Variants in CACNA1I observed in about 807,000 individuals in gnomAD.
The protein encoded by CACNA1I is calcium voltage-gated channel subunit alpha1 I, also known as voltage-dependent T-type calcium channel subunit alpha-1I.
CACNA1I carries 74 observed loss-of-function variants against 201.6 expected under a neutral mutation model. The ratio of observed to expected loss-of-function variants is 0.37; its 90% CI spans 0.30 to 0.45. The LOEUF is 0.45. CACNA1I is among the 20% of genes least tolerant of loss of function. CACNA1I has a pLI of 1.00. For synonymous variants in CACNA1I, 1,431 were observed against 1,345.2 expected (o/e 1.06, Z -1.40); for missense variants, 2,346 against 3,138.1 (o/e 0.75, Z 6.03).
intron 10 of CACNA1I, among the ~76,000 whole-genome samples, chr22:39,657,075 AG>A (rs1328330244): frequency 6.6e-6 from 1 of 152,140 alleles, no homozygotes; most frequent in Non-Finnish European, 1.5e-5. Flanking sequence ...ACTCCAGAGG[AG>A]GGGGGAAGCA....
chr22:39,685,643 C>A lies in CACNA1I; in HGVS notation c.6028-118C>A. On this transcript the variant is annotated intron_variant, in intron 36 of 36. Transcript: ENST00000402142. The surrounding 1 kb of genome is among the most constrained non-coding windows in gnomAD (Gnocchi z 5.0). Reference sequence around the variant, plus strand: ...CGTGCGGAGGGGAGAAGCCCTGCTCCGAAGGGAGCTCCTTGGATGGGGTCT... The same window carrying A: ...CGTGCGGAGGGGAGAAGCCCTGCTCAGAAGGGAGCTCCTTGGATGGGGTCT... The A allele has an allele frequency of 1.1e-6, 1 of 880,132 alleles. No individual in the cohort carries two copies. The highest frequency in any genetic ancestry group is 1.6e-6 in the Non-Finnish European group (1 of 629,784). 54.5% of individuals were successfully genotyped at this position (880,132 alleles called of 1,614,324 possible). A position where few individuals can be genotyped will look rare whatever the true frequency, so the allele number is the denominator to read the frequency against.
At chr22:39,598,888 A>G (rs1424869747) in intron 2 of CACNA1I, among the ~76,000 whole-genome samples, 1 of 146,108 alleles carries the variant, frequency 6.8e-6, no homozygotes, top group Non-Finnish European at 1.5e-5. Context: ...ACTCGGTGCA[A>G]CTCCCTGGGA....
At chr22:39,617,891 C>A (rs2146390727) in intron 3 of CACNA1I, among the ~76,000 whole-genome samples, 1 of 150,492 alleles carries the variant, frequency 6.6e-6, no homozygotes, top group South Asian at 2.1e-4. Flanking sequence ...CCTCCCTCCC[C>A]CTCAGGTCCC....
intron 23 of CACNA1I, among the ~76,000 whole-genome samples, chr22:39,667,662 G>T (rs1469208629): frequency 6.6e-6 from 1 of 152,146 alleles, no homozygotes; most frequent in Non-Finnish European, 1.5e-5. Flanking sequence ...TGCCATCTCT[G>T]TGGGAGCCTT....
At chr22:39,667,352 G>A (rs1259459797) in intron 23 of CACNA1I, among the ~76,000 whole-genome samples, 1 of 152,216 alleles carries the variant, frequency 6.6e-6, no homozygotes, top group Non-Finnish European at 1.5e-5. Flanking sequence ...CCAGTGCAGG[G>A]CCAGAGACTC....
chr22:39,645,148 G>C (rs1029659381), intron 7 of CACNA1I, among the ~76,000 whole-genome samples: 9 of 151,924 alleles, frequency 5.9e-5, no homozygotes, highest in Non-Finnish European at 8.8e-5. Flanking sequence ...CACCATGCCC[G>C]GCTAATTTTT....
chr22:39,655,846 G>A (rs1213576675), intron 10 of CACNA1I, among the ~76,000 whole-genome samples: 1 of 152,270 alleles, frequency 6.6e-6, no homozygotes, highest in African/African-American at 2.4e-5. Flanking sequence ...AGGAACATCT[G>A]TTGTGAGGGA....
At position 39,618,733 on chromosome 22, in the gene CACNA1I, A is replaced by AG. The variant is rs545905726; in HGVS notation, c.483-570dup. Among the ~76,000 whole-genome samples the AG allele has an allele frequency of 9.9e-3, 1,367 of 137,796 alleles. 23 individuals are homozygous for AG. The highest frequency in any genetic ancestry group is 0.034 in the African/African-American group (1,246 of 36,196). 90.4% of individuals were successfully genotyped at this position (137,796 alleles called of 152,430 possible). A position where few individuals can be genotyped will look rare whatever the true frequency, so the allele number is the denominator to read the frequency against. The stretch of plus-strand genomic sequence containing the variant: ...GGGGAAGGGTCTGGTGATGGGGGGC[A>AG]GGGGGGGTCATCCTGGAAATGCAGG... On this transcript the variant is annotated intron_variant, in intron 3 of 36. Coordinates refer to ENST00000402142, the MANE Select transcript of CACNA1I (RefSeq NM_021096.4).
intron 4 of CACNA1I, among the ~76,000 whole-genome samples, chr22:39,628,964 A>ACCT (rs1933974752): frequency 6.6e-6 from 1 of 151,554 alleles, no homozygotes; most frequent in African/African-American, 2.4e-5. Flanking sequence ...AACACCCCAA[A>ACCT]CCTCCAGGGG....
chr22:39,571,425 A>G (rs5757730), intron 1 of CACNA1I, among the ~76,000 whole-genome samples: 83,975 of 151,908 alleles, frequency 0.55, 23,835 homozygotes, highest in East Asian at 0.96. Flanking sequence ...CATTCTCCTT[A>G]CTGTGCCTCC....
chr22:39,572,897 C>G (rs966321956), intron 1 of CACNA1I, among the ~76,000 whole-genome samples: 1 of 152,086 alleles, frequency 6.6e-6, no homozygotes, highest in Non-Finnish European at 1.5e-5. Context: ...GCTGGGACTA[C>G]AGGCACCCAC....
chr22:39,649,535 G>A lies in CACNA1I; in HGVS notation c.1602G>A (p.Thr534=), dbSNP rs536901437. 5.3e-5 allele frequency: 82 copies of A among 1,557,240 alleles called. 1 individual carries two copies. Among genetic ancestry groups the A allele is most frequent in the South Asian group, 3.9e-4 (33 of 84,202 alleles). The part of the protein sequence containing the change: ...LCPQHSPLDA[T]PHTLVQPIPA... ...CGCAACATAGCCCCCTGGATGCGACGCCCCACACCCTGGTGCAGCCCATCC... is the reference window on the plus strand; with the variant it reads ...CGCAACATAGCCCCCTGGATGCGACACCCCACACCCTGGTGCAGCCCATCC... Residue 534 remains threonine, a synonymous_variant, in exon 10 of 37, where the codon ACG becomes ACA. Coordinates refer to ENST00000402142, the MANE Select transcript of CACNA1I (RefSeq NM_021096.4). This position sits in a 1 kb window ranked among gnomAD's most constrained non-coding sequence, Gnocchi z 7.3.
At chr22:39,595,623 C>T (rs1051674584) in intron 1 of CACNA1I, among the ~76,000 whole-genome samples, 3 of 35,526 alleles carry the variant, frequency 8.4e-5, no homozygotes, top group East Asian at 1.4e-3. Flanking sequence ...GAAACTCCAT[C>T]TCAAAAAAAA....
At chr22:39,585,393 T>TTC (rs1932715257) in intron 1 of CACNA1I, among the ~76,000 whole-genome samples, 1 of 139,232 alleles carries the variant, frequency 7.2e-6, no homozygotes, top group Non-Finnish European at 1.6e-5. Context: ...TTTCTTTTTT[T>TTC]TTTTTTTTTT....
intron 31 of CACNA1I, 74 bp from the exon 32 acceptor site, chr22:39,679,033 C>T (rs1935598623): frequency 8.1e-7 from 1 of 1,232,332 alleles, no homozygotes; most frequent in Non-Finnish European, 1.1e-6. Context: ...GAGCGTGGCC[C>T]TGGGCTGGCC....
chr22:39,621,523 A>G (rs538263559), intron 4 of CACNA1I, among the ~76,000 whole-genome samples: 152 of 152,276 alleles, frequency 1.0e-3, no homozygotes, highest in African/African-American at 3.4e-3. Context: ...ATGCTTCAGA[A>G]TATCTGTGGA....
chr22:39,683,899 C>T (rs965449789), intron 35 of CACNA1I, among the ~76,000 whole-genome samples: 1 of 152,166 alleles, frequency 6.6e-6, no homozygotes, highest in Non-Finnish European at 1.5e-5. Flanking sequence ...GGGGTCAGGA[C>T]CTGGAGGTGA....
chr22:39,656,980 C>A (rs956741880), intron 10 of CACNA1I, among the ~76,000 whole-genome samples: 5 of 152,178 alleles, frequency 3.3e-5, no homozygotes, highest in African/African-American at 1.2e-4. Context: ...AGAGAAGGGG[C>A]TGGGCCTCGT....
intron 3 of CACNA1I, among the ~76,000 whole-genome samples, chr22:39,617,543 T>TGGG (rs1435318948): frequency 6.6e-6 from 1 of 152,136 alleles, no homozygotes; most frequent in Non-Finnish European, 1.5e-5. Flanking sequence ...TCGGCAGTCC[T>TGGG]GGGCCCCGCG....
Sources: gnomAD v4.1 joint callset for allele counts (sites outside exome capture counted in the v4.1 genomes callset) on GRCh38, gnomAD v4.1.1 for gene constraint, Gnocchi (gnomAD v3.1) non-coding constraint, MANE v1.5 for transcripts, NCBI Gene and HGNC (gene_info 2026-07-23, HGNC 2026-07-21) for gene names.